CUX2: variants seen among roughly 807,000 people sequenced by gnomAD.
CUX2 encodes the protein homeobox protein cut-like 2.
CUX2 carries 40 observed loss-of-function variants against 144.8 expected under a neutral mutation model. That is an observed-to-expected ratio of 0.28 (90% CI 0.21 to 0.36). The LOEUF is 0.36. Among genes scored for constraint, CUX2 ranks in the 10% least tolerant of loss-of-function variants. The pLI, the probability that CUX2 is intolerant of heterozygous loss-of-function variation, is 1.00. For missense variants in CUX2, 1,615 were observed against 1,994.0 expected (o/e 0.81, Z 3.62); for synonymous variants, 827 against 875.6 (o/e 0.94, Z 0.98).
At chr12:111,188,503 A>C (rs1222789039) in intron 1 of CUX2, among the ~76,000 whole-genome samples, 1 of 152,232 alleles carries the variant, frequency 6.6e-6, no homozygotes, top group Non-Finnish European at 1.5e-5. Flanking sequence ...CAGGATGGCC[A>C]GGGAAGGCCA....
At chr12:111,182,380 T>C (rs1160643427) in intron 1 of CUX2, among the ~76,000 whole-genome samples, 1 of 152,244 alleles carries the variant, frequency 6.6e-6, no homozygotes, top group African/African-American at 2.4e-5. Flanking sequence ...GCATTCTCTT[T>C]TACATACAGC....
chr12:111,197,417 G>C (rs1880306563), intron 1 of CUX2, among the ~76,000 whole-genome samples: 1 of 152,202 alleles, frequency 6.6e-6, no homozygotes, highest in African/African-American at 2.4e-5. Context: ...ACACAGGCAG[G>C]GACTTTGCGG....
intron 1 of CUX2, among the ~76,000 whole-genome samples, chr12:111,064,819 T>C (rs1870955124): frequency 6.6e-6 from 1 of 152,228 alleles, no homozygotes; most frequent in African/African-American, 2.4e-5. Context: ...TCAGTCTTTT[T>C]TACCTAATGT....
intron 1 of CUX2, among the ~76,000 whole-genome samples, chr12:111,067,575 C>T (rs185114430): frequency 6.6e-6 from 1 of 152,294 alleles, no homozygotes; most frequent in Admixed American, 6.5e-5. Context: ...CGAGTTTCTG[C>T]CACCTACAAT....
chr12:111,050,211 C>T (rs1870198781), intron 1 of CUX2, among the ~76,000 whole-genome samples: 1 of 151,952 alleles, frequency 6.6e-6, no homozygotes, highest in Non-Finnish European at 1.5e-5. Flanking sequence ...CATTTTCCTC[C>T]TACCTCTTGC....
intron 1 of CUX2, among the ~76,000 whole-genome samples, chr12:111,101,205 C>T (rs1035706136): frequency 2.6e-5 from 4 of 152,110 alleles, no homozygotes; most frequent in East Asian, 1.9e-4. Flanking sequence ...CAGTGCGGCC[C>T]GGGGGAGGCT....
chr12:111,084,072 G>T (rs1872055286), intron 1 of CUX2, among the ~76,000 whole-genome samples: 1 of 152,124 alleles, frequency 6.6e-6, no homozygotes, highest in South Asian at 2.1e-4. Context: ...AAGTGTGAGG[G>T]AACAGCATAT....
At position 111,283,086 on chromosome 12, in the gene CUX2, C is replaced by T. The variant is rs111543306; in HGVS notation, c.302-8332C>T. 2.4e-3 allele frequency among the ~76,000 whole-genome samples: 360 copies of T among 152,016 alleles called. 1 individual carries two copies. Among genetic ancestry groups the T allele is most frequent in the African/African-American group, 8.3e-3 (345 of 41,478 alleles). On this transcript the variant is annotated intron_variant, in intron 4 of 21. Coordinates refer to ENST00000261726, the MANE Select transcript of CUX2 (RefSeq NM_015267.4). Reference sequence around the variant, plus strand: ...AAAAAAAATTAGCCAGGTGTGGTGGCGCATGCCTGTAATCTCATCTACTCT... The same window carrying T: ...AAAAAAAATTAGCCAGGTGTGGTGGTGCATGCCTGTAATCTCATCTACTCT...
chr12:111,158,304 C>A (rs1044610211), intron 1 of CUX2, among the ~76,000 whole-genome samples: 2 of 151,870 alleles, frequency 1.3e-5, no homozygotes, highest in Non-Finnish European at 2.9e-5. Flanking sequence ...TTCTGTCAAT[C>A]CCCATCTTTT....
rs1878522246 is a variant in CUX2 at position 111,171,530 on chromosome 12, T to C, written c.64-42670T>C. Among the ~76,000 whole-genome samples, 3 of 152,168 alleles carry C rather than the reference T, an allele frequency of 2.0e-5. No individual in the cohort carries two copies. Among genetic ancestry groups the C allele is most frequent in the Admixed American group, 2.0e-4 (3 of 15,284 alleles). On this transcript the variant is annotated intron_variant, in intron 1 of 21. Transcript: ENST00000261726. The surrounding 1 kb of genome is among the most constrained non-coding windows in gnomAD (Gnocchi z 5.0). ...GGCTTGTGGGGAAACCCCGGTCCCG[T>C]GTCCCTGTGCACGCAGATGGCTAGT...
At chr12:111,114,383 G>T (rs1481950070) in intron 1 of CUX2, among the ~76,000 whole-genome samples, 1 of 151,966 alleles carries the variant, frequency 6.6e-6, no homozygotes, top group African/African-American at 2.4e-5. Context: ...TTTGCTGTCC[G>T]CATGTCTGTT....
At chr12:111,159,763 G>C (rs1396621539) in intron 1 of CUX2, among the ~76,000 whole-genome samples, 3 of 152,186 alleles carry the variant, frequency 2.0e-5, no homozygotes, top group African/African-American at 4.8e-5. Context: ...AGTGGGTCAC[G>C]CCTGTAATCC....
At chr12:111,285,980 G>A (rs949763893) in intron 4 of CUX2, among the ~76,000 whole-genome samples, 11 of 152,204 alleles carry the variant, frequency 7.2e-5, no homozygotes, top group African/African-American at 2.7e-4. Flanking sequence ...TGGGGTGGAA[G>A]GGATGTTGGC....
intron 18 of CUX2, among the ~76,000 whole-genome samples, chr12:111,329,408 T>G (rs561431568): frequency 6.6e-6 from 1 of 152,144 alleles, no homozygotes; most frequent in South Asian, 2.1e-4. Context: ...AGAGATAATT[T>G]CTGAATCTTT....
At chr12:111,163,467 T>C (rs1403684706) in intron 1 of CUX2, among the ~76,000 whole-genome samples, 1 of 152,198 alleles carries the variant, frequency 6.6e-6, no homozygotes, top group African/African-American at 2.4e-5. Flanking sequence ...AAAGTGTTTT[T>C]ACCTGCGGGA....
At chr12:111,329,474 C>T (rs1374929430) in intron 18 of CUX2, among the ~76,000 whole-genome samples, 1 of 152,136 alleles carries the variant, frequency 6.6e-6, no homozygotes, top group Non-Finnish European at 1.5e-5. Flanking sequence ...GCGGGGTTCT[C>T]CCTGGGGGAG....
chr12:111,248,583 G>C (rs1346766656), intron 3 of CUX2, among the ~76,000 whole-genome samples: 1 of 152,096 alleles, frequency 6.6e-6, no homozygotes, highest in Non-Finnish European at 1.5e-5. Context: ...CAGGGTGGGG[G>C]AGGGGCTGGT....
intron 1 of CUX2, among the ~76,000 whole-genome samples, chr12:111,156,959 C>T (rs1048325366): frequency 9.3e-6 from 1 of 106,978 alleles, no homozygotes; most frequent in Non-Finnish European, 1.7e-5. Flanking sequence ...GCACTCCAGC[C>T]TGGGCAATAA....
At chr12:111,167,588 G>T (rs926208063) in intron 1 of CUX2, among the ~76,000 whole-genome samples, 1 of 152,218 alleles carries the variant, frequency 6.6e-6, no homozygotes, top group African/African-American at 2.4e-5. Flanking sequence ...TTACCACGTT[G>T]TCAGATGCCA....
Sources: allele counts gnomAD v4.1 joint callset (sites outside exome capture counted in the v4.1 genomes callset), GRCh38; gene constraint gnomAD v4.1.1; non-coding constraint Gnocchi (gnomAD v3.1); transcripts MANE v1.5; gene names NCBI Gene and HGNC (gene_info 2026-07-23, HGNC 2026-07-21).